Variants in PICALM observed in about 807,000 individuals in gnomAD.
PICALM encodes phosphatidylinositol binding clathrin assembly protein, also known as phosphatidylinositol-binding clathrin assembly protein.
In PICALM, 40 loss-of-function variants were observed where a neutral mutation model predicts 80.5. The observed-to-expected ratio is 0.50, with a 90% CI of 0.39 to 0.65. The LOEUF is 0.65. Ranked by LOEUF, PICALM falls within the 30% of genes least tolerant of loss-of-function variation. The probability of loss-of-function intolerance (pLI) is 0.00; values close to 1 mark genes in which losing one functional copy is unlikely to be tolerated. For missense variants in PICALM, 676 were observed against 778.9 expected, an observed-to-expected ratio of 0.87 and a Z score of 1.57; for synonymous variants, 288 against 260.3, an observed-to-expected ratio of 1.11 and a Z score of -1.02.
chr11:86,022,235 T>A (rs1252354345), intron 4 of PICALM, 132 bp downstream of exon 4: 1 of 581,704 alleles, frequency 1.7e-6, no homozygotes, highest in Non-Finnish European at 3.0e-6. Context: ...GTACTTGATA[T>A]ACCTCATCAA....
At position 85,982,203 on chromosome 11, in the gene PICALM, T is replaced by G. The variant is rs186823017; in HGVS notation, c.1517-200A>C. 186 of 528,400 alleles carry G rather than the reference T, an allele frequency of 3.5e-4. No homozygotes were observed. In the East Asian group the frequency reaches 5.1e-3, roughly 14 times the overall value. 32.7% of individuals were successfully genotyped at this position (528,400 alleles called of 1,614,324 possible). A position where few individuals can be genotyped will look rare whatever the true frequency, so the allele number is the denominator to read the frequency against. ...ATTGACTGAGAAGGCTGTATTTGCT[T>G]TGACAGAAATCATCTCTTATCTCAT... is the stretch of plus-strand genomic sequence containing the variant. On this transcript the variant is annotated intron_variant, in intron 14 of 19. Transcript: ENST00000393346.
chr11:85,974,438 C>A (rs1254471981), intron 19 of PICALM: 4 of 573,804 alleles, frequency 7.0e-6, no homozygotes, highest in South Asian at 5.6e-5. Context: ...CAAGTAGGCT[C>A]CTTAATCTCA....
rs145459552 is a variant in PICALM at position 86,015,238 on chromosome 11, G to T, written c.453-275C>A. ...AGCAAAAGTATACATTATACAGCAA[G>T]GTCTATAGCTTGTATTTTCACAAGA... On this transcript the variant is annotated intron_variant, in intron 4 of 19. Coordinates refer to ENST00000393346, the MANE Select transcript of PICALM (RefSeq NM_007166.4). Among the ~76,000 whole-genome samples the T allele has an allele frequency of 6.7e-4, 102 of 152,186 alleles. No individual in the cohort carries two copies. In the East Asian group the frequency reaches 0.018, roughly 27 times the overall value.
intron 3 of PICALM, among the ~76,000 whole-genome samples, 160 bp from the exon 4 acceptor site, chr11:86,022,629 T>A (rs1473594251): frequency 2.6e-5 from 4 of 152,102 alleles, no homozygotes; most frequent in Non-Finnish European, 5.9e-5. Context: ...AGTAACTAAT[T>A]AATAACATTA....
At chr11:85,994,095 G>C (rs546901934) in intron 12 of PICALM, among the ~76,000 whole-genome samples, 2 of 152,150 alleles carry the variant, frequency 1.3e-5, no homozygotes, top group South Asian at 2.1e-4. Context: ...CTTCAGAATG[G>C]ATAATTCTAT....
intron 12 of PICALM, among the ~76,000 whole-genome samples, chr11:85,991,758 G>C (rs186776205): frequency 8.6e-5 from 13 of 151,762 alleles, no homozygotes; most frequent in Admixed American, 7.9e-4. Flanking sequence ...CCAATAAATG[G>C]AACACTGGGA....
At chr11:86,060,369 C>T (rs567924944) in intron 1 of PICALM, among the ~76,000 whole-genome samples, 1 of 152,196 alleles carries the variant, frequency 6.6e-6, no homozygotes, top group East Asian at 1.9e-4. Flanking sequence ...AAAAACCCCA[C>T]AATTTAGAAG....
intron 1 of PICALM, among the ~76,000 whole-genome samples, chr11:86,059,776 A>G (rs758710627): frequency 7.2e-5 from 11 of 152,238 alleles, no homozygotes; most frequent in East Asian, 1.9e-4. Flanking sequence ...CCAAGGAATC[A>G]TATGTGCAAA....
chr11:86,030,932 A>G (rs2136754133), intron 2 of PICALM, among the ~76,000 whole-genome samples: 1 of 152,272 alleles, frequency 6.6e-6, no homozygotes, highest in Admixed American at 6.5e-5. Context: ...CTAAGCCAAG[A>G]TGGAAAGACC....
intron 13 of PICALM, among the ~76,000 whole-genome samples, chr11:85,984,709 C>T (rs2094529179): frequency 6.6e-6 from 1 of 152,136 alleles, no homozygotes; most frequent in Admixed American, 6.5e-5. Context: ...AGACCTTATT[C>T]TTTCTTGCCT....
rs760429933 is a variant in PICALM, at chr11:85,981,932, G to A, written c.1588C>T (p.Leu530Phe). The A allele has an allele frequency of 6.2e-7, 1 of 1,613,134 alleles. No homozygotes were observed. Among genetic ancestry groups the A allele is most frequent in the Admixed American group, 1.7e-5 (1 of 60,008 alleles). ...SQNQNLPVAKLPPSKLVSDDL... is the reference protein window; with the variant it reads ...SQNQNLPVAKFPPSKLVSDDL... ...TCAGATACTAACTTGCTAGGTGGGA[G>A]TTTGGCAACAGGAAGGTTCTGGTTC... Residue 530 changes from leucine to phenylalanine, a missense_variant, in exon 15 of 20, where the codon CTC becomes TTC. Physicochemically the swap from Leu to Phe is conservative, Grantham distance 22 (BLOSUM62 0). Transcript: ENST00000393346.
chr11:86,008,960 A>G lies in PICALM; in HGVS notation c.766-1377T>C, dbSNP rs1161462570. 1.3e-5 allele frequency among the ~76,000 whole-genome samples: 2 copies of G among 151,300 alleles called. 1 individual carries two copies. The highest frequency in any genetic ancestry group is 2.9e-5 in the Non-Finnish European group (2 of 67,830). ...AGGAAAAAAAAAAAAGCCAAAAAAAAAAAAAAAGAAAAAAAGCGTAAGGTA... is the reference window on the plus strand; with the variant it reads ...AGGAAAAAAAAAAAAGCCAAAAAAAGAAAAAAAGAAAAAAAGCGTAAGGTA... On this transcript the variant is annotated intron_variant, in intron 7 of 19. Coordinates refer to ENST00000393346, the MANE Select transcript of PICALM (RefSeq NM_007166.4).
chr11:86,041,216 T>C (rs769425659), intron 1 of PICALM, among the ~76,000 whole-genome samples: 4 of 152,176 alleles, frequency 2.6e-5, no homozygotes, highest in Non-Finnish European at 5.9e-5. Flanking sequence ...TTTATTAAAT[T>C]AATACTAGTA....
intron 1 of PICALM, among the ~76,000 whole-genome samples, chr11:86,052,456 T>C (rs2096205595): frequency 6.6e-6 from 1 of 152,232 alleles, no homozygotes; most frequent in Non-Finnish European, 1.5e-5. Context: ...TTTATAAAAT[T>C]TCTTCCTTCA....
At chr11:86,028,083 ATTTTCC>A (rs979362853) in intron 2 of PICALM, among the ~76,000 whole-genome samples, 2 of 152,166 alleles carry the variant, frequency 1.3e-5, no homozygotes, top group African/African-American at 4.8e-5. Flanking sequence ...ATAAATCTAA[ATTTTCC>A]TTTTCATTTT....
chr11:85,997,784 T>C (rs910706322), intron 11 of PICALM, among the ~76,000 whole-genome samples: 23 of 151,978 alleles, frequency 1.5e-4, no homozygotes, highest in African/African-American at 5.6e-4. Context: ...TTTTTTGTTG[T>C]TGTTTTGCTT....
chr11:85,995,286 C>T (rs1303174580), intron 12 of PICALM, among the ~76,000 whole-genome samples: 2 of 152,034 alleles, frequency 1.3e-5, no homozygotes, highest in African/African-American at 4.8e-5. Flanking sequence ...AAACAGCATA[C>T]AAAGCAAAAT....
intron 1 of PICALM, among the ~76,000 whole-genome samples, chr11:86,066,366 A>G (rs559373906): frequency 6.6e-6 from 1 of 152,336 alleles, no homozygotes; most frequent in South Asian, 2.1e-4. Flanking sequence ...AACGACACAT[A>G]TATTTTTAAA....
At chr11:85,990,599 T>G (rs533389501) in intron 12 of PICALM, among the ~76,000 whole-genome samples, 200 bp from the exon 13 acceptor site, 6 of 152,306 alleles carry the variant, frequency 3.9e-5, no homozygotes, top group African/African-American at 1.2e-4. Flanking sequence ...AGTGAATCCT[T>G]AGAAAAAATC....
Sources: allele counts gnomAD v4.1 joint callset (sites outside exome capture counted in the v4.1 genomes callset), GRCh38; gene constraint gnomAD v4.1.1; transcripts MANE v1.5; gene names NCBI Gene and HGNC (gene_info 2026-07-23, HGNC 2026-07-21).